The following CDK12 variants were observed in gnomAD, a reference collection of about 807,000 sequenced individuals.
The protein encoded by CDK12 is cyclin-dependent kinase 12.
Under a neutral mutation model 133.8 loss-of-function variants are expected in CDK12, and 17 were observed. The ratio of observed to expected loss-of-function variants is 0.13; its 90% CI spans 0.09 to 0.19. CDK12 has a LOEUF of 0.19. Among genes scored for constraint, CDK12 ranks in the 10% least tolerant of loss-of-function variants. The pLI is 1.00. For missense variants in CDK12, 1,508 were observed against 1,818.7 expected, an observed-to-expected ratio of 0.83 and a Z score of 3.11; for synonymous variants, 694 against 683.6, an observed-to-expected ratio of 1.02 and a Z score of -0.24.
rs56017071 is a variant in CDK12 at position 39,562,881 on chromosome 17, C to CT, written n.485-1870dup. Among the ~76,000 whole-genome samples, 14 of 55,264 alleles carry CT rather than the reference C, an allele frequency of 2.5e-4. 1 individual carries two copies. The highest frequency in any genetic ancestry group is 8.8e-4 in the Admixed American group (4 of 4,542). The allele number at this position is 55,264 out of a possible 152,430, so 36.3% of individuals were successfully genotyped here. A position where few individuals can be genotyped will look rare whatever the true frequency, so the allele number is the denominator to read the frequency against. Reference sequence around the variant, plus strand: ...TTTCTTTCTCTGTCTCTCTCTTCTCCTTTTTTTTTCTTTTTCTTTTCTTTT... The same window carrying CT: ...TTTCTTTCTCTGTCTCTCTCTTCTCCTTTTTTTTTTCTTTTTCTTTTCTTTT... On this transcript the variant is annotated intron_variant and non_coding_transcript_variant, in intron 3 of 3. Transcript: ENST00000558240.
Position 39,499,213 on chromosome 17 carries a change from T to TCCTTCTTTCTTTCTTTC in CDK12, c.2420-2037_2420-2036insCCTTCTTTCTTTCTTTC, listed in dbSNP as rs1273572244. Reference sequence around the variant, plus strand: ...TTTCTTTCTTTCTTTCTTTCCTTTTTTTTTTTTTTTTGAGACAGAGTCTTG... The same window carrying TCCTTCTTTCTTTCTTTC: ...TTTCTTTCTTTCTTTCTTTCCTTTTTCCTTCTTTCTTTCTTTCTTTTTTTTTTTGAGACAGAGTCTTG... On this transcript the variant is annotated intron_variant, in intron 5 of 13. Transcript: ENST00000447079. 1.9e-5 allele frequency among the ~76,000 whole-genome samples: 2 copies of TCCTTCTTTCTTTCTTTC among 103,794 alleles called. 1 individual carries two copies. Among genetic ancestry groups the TCCTTCTTTCTTTCTTTC allele is most frequent in the African/African-American group, 9.0e-5 (2 of 22,304 alleles). 68.1% of individuals were successfully genotyped at this position (103,794 alleles called of 152,430 possible). A position where few individuals can be genotyped will look rare whatever the true frequency, so the allele number is the denominator to read the frequency against.
chr17:39,486,388 C>T (rs983126526), intron 2 of CDK12, among the ~76,000 whole-genome samples: 2 of 151,360 alleles, frequency 1.3e-5, no homozygotes, highest in African/African-American at 4.9e-5. Flanking sequence ...GCTTCAGCCT[C>T]GATAGTAGCT....
At chr17:39,565,874 A>C (rs2056556244), downstream of CDK12, among the ~76,000 whole-genome samples, 1 of 152,152 alleles carries the variant, frequency 6.6e-6, no homozygotes, top group Non-Finnish European at 1.5e-5. Flanking sequence ...GTCACTAGGA[A>C]GGAGTTCTTC....
rs1338950749 is a variant in CDK12, at chr17:39,490,738, G to GT, written c.2108+10dup. 6.3e-7 allele frequency: 1 copy of GT among 1,585,788 alleles called. No homozygotes were observed. The highest frequency in any genetic ancestry group is 8.6e-7 in the Non-Finnish European group (1 of 1,164,226). On this transcript the variant is annotated splice_donor_region_variant and intron_variant, in intron 3 of 13. Transcript: ENST00000447079. Reference sequence around the variant, plus strand: ...ACCATATAAAAAGAGACCAAAGTGAGTTTTTGGAGGAATCTGTCTTTCATG... The same window carrying GT: ...ACCATATAAAAAGAGACCAAAGTGAGTTTTTTGGAGGAATCTGTCTTTCATG...
At chr17:39,501,518 T>A in intron 6 of CDK12, 79 bp downstream of exon 6, 1 of 954,842 alleles carries the variant, frequency 1.0e-6, no homozygotes, top group Non-Finnish European at 1.6e-6. Context: ...TAATTGGTAT[T>A]ATAATTAGAC....
chr17:39,514,089 T>C (rs778975216), intron 8 of CDK12, among the ~76,000 whole-genome samples: 1 of 152,068 alleles, frequency 6.6e-6, no homozygotes, highest in Non-Finnish European at 1.5e-5. Context: ...AGAGTTGGGA[T>C]CTCACTACGT....
chr17:39,558,082 G>A (rs2056228411), intron 3 of CDK12, among the ~76,000 whole-genome samples: 1 of 152,222 alleles, frequency 6.6e-6, no homozygotes, highest in Admixed American at 6.5e-5. Context: ...TAGCAGGGCT[G>A]ATATTGCTTC....
At chr17:39,566,317 A>T (rs976166253), downstream of CDK12, among the ~76,000 whole-genome samples, 1 of 152,070 alleles carries the variant, frequency 6.6e-6, no homozygotes, top group Non-Finnish European at 1.5e-5. Flanking sequence ...GTTTGTTGGC[A>T]AGAGGGGTAT....
chr17:39,555,396 G>T (rs143725344), intron 2 of CDK12, among the ~76,000 whole-genome samples: 42 of 151,984 alleles, frequency 2.8e-4, no homozygotes, highest in African/African-American at 1.0e-3. Flanking sequence ...CTGCTCTCCT[G>T]CCAGGATGAG....
rs773950713 is a variant in CDK12, at chr17:39,503,222, AC to A, written c.2609+1785del. Among the ~76,000 whole-genome samples the A allele has an allele frequency of 7.7e-4, 117 of 152,158 alleles. 1 individual carries two copies. The highest frequency in any genetic ancestry group is 1.3e-3 in the Non-Finnish European group (85 of 67,980). On this transcript the variant is annotated intron_variant, in intron 6 of 13. Coordinates refer to ENST00000447079, the MANE Select transcript of CDK12 (RefSeq NM_016507.4). The stretch of plus-strand genomic sequence containing the variant: ...CAAGTAGCTGGGATTACAGGTGCCC[AC>A]CACCACGCCCAGCTAATTTTTCTAT...
downstream of CDK12, among the ~76,000 whole-genome samples, chr17:39,537,676 T>C (rs8073248): frequency 0.79 from 119,345 of 151,462 alleles, 47,540 homozygotes; most frequent in South Asian, 0.92. Context: ...AATTCTCCTG[T>C]CTCAGCCTCC....
intron 2 of CDK12, among the ~76,000 whole-genome samples, chr17:39,478,782 AC>A (rs1251256953): frequency 7.3e-4 from 111 of 152,270 alleles, no homozygotes; most frequent in South Asian, 1.0e-3. Flanking sequence ...CCATGATCGC[AC>A]CACTGCACTC....
At chr17:39,496,133 A>C (rs1264197574) in intron 5 of CDK12, among the ~76,000 whole-genome samples, 2 of 151,948 alleles carry the variant, frequency 1.3e-5, no homozygotes, top group Non-Finnish European at 2.9e-5. Context: ...GCTGGTTTCG[A>C]ACTCCTGACC....
At position 39,524,827 on chromosome 17, in the gene CDK12, C is replaced by G; in HGVS notation, c.3249C>G (p.Ser1083Arg). ...GTACTGAGCCTGTGAAGAACAGCAGCCCAGCACCACCTCAGCCTGCTCCTG... is the reference window on the plus strand; with the variant it reads ...GTACTGAGCCTGTGAAGAACAGCAGGCCAGCACCACCTCAGCCTGCTCCTG... ...GTSTEPVKNS[S>R]PAPPQPAPGK... Residue 1083 changes from serine (S) to arginine (R), a missense_variant, in exon 12 of 14, where the codon AGC becomes AGG. Ser to Arg is a moderately radical substitution (Grantham distance 110). This residue lies in a region of CDK12 where 399 missense variants were observed against 469.6 expected (regional missense o/e 0.85). Coordinates refer to ENST00000447079, the MANE Select transcript of CDK12 (RefSeq NM_016507.4). 6.2e-7 allele frequency: 1 copy of G among 1,614,210 alleles called. No homozygotes were observed. Among genetic ancestry groups the G allele is most frequent in the Non-Finnish European group, 8.5e-7 (1 of 1,180,034 alleles).
chr17:39,490,487 T>G, intron 2 of CDK12, 70 bp from the exon 3 acceptor site: 16 of 1,121,756 alleles, frequency 1.4e-5, no homozygotes, highest in East Asian at 2.5e-5. Context: ...CCAGGCATTA[T>G]GATCTTTGAA....
chr17:39,506,575 C>T (rs2053145588), intron 6 of CDK12, among the ~76,000 whole-genome samples: 1 of 152,052 alleles, frequency 6.6e-6, no homozygotes, highest in African/African-American at 2.4e-5. Flanking sequence ...GCAGAAAAGA[C>T]AGATTTTCTA....
At chr17:39,520,905 T>C (rs1486043396) in intron 11 of CDK12, among the ~76,000 whole-genome samples, 1 of 152,110 alleles carries the variant, frequency 6.6e-6, no homozygotes, top group African/African-American at 2.4e-5. Context: ...TGGAGTACAA[T>C]GGCGCAATCT....
chr17:39,544,649 T>A (rs867264004), upstream of CDK12, among the ~76,000 whole-genome samples: 812 of 82,022 alleles, frequency 9.9e-3, 12 homozygotes, highest in African/African-American at 0.031. Context: ...TTTTTTTTTT[T>A]ATGGAGTTTT....
At chr17:39,546,405 C>T (rs545382809), upstream of CDK12, among the ~76,000 whole-genome samples, 30 of 151,860 alleles carry the variant, frequency 2.0e-4, no homozygotes, top group Non-Finnish European at 3.8e-4. Flanking sequence ...AGGATGGTCT[C>T]GATCTCTTGA....
Sources: allele counts gnomAD v4.1 joint callset (sites outside exome capture counted in the v4.1 genomes callset), GRCh38; gene constraint gnomAD v4.1.1; regional missense constraint gnomAD v4.1.1; transcripts MANE v1.5; gene names NCBI Gene and HGNC (gene_info 2026-07-23, HGNC 2026-07-21).